NBEA: variants seen among roughly 807,000 people sequenced by gnomAD.
The protein encoded by NBEA is lysosomal-trafficking regulator 2.
Under a neutral mutation model 343.4 loss-of-function variants are expected in NBEA, and 44 were observed. The ratio of observed to expected loss-of-function variants is 0.13; its 90% CI spans 0.10 to 0.16. NBEA has a LOEUF of 0.16. Among genes scored for constraint, NBEA ranks in the 10% least tolerant of loss-of-function variants. NBEA has a pLI of 1.00. For synonymous variants in NBEA, 1,175 were observed against 1,238.7 expected, an observed-to-expected ratio of 0.95 and a Z score of 1.08; for missense variants, 2,555 against 3,631.3, an observed-to-expected ratio of 0.70 and a Z score of 7.62.
At chr13:35,574,365 G>A (rs2080611010) in intron 45 of NBEA, among the ~76,000 whole-genome samples, 2 of 134,866 alleles carry the variant, frequency 1.5e-5, no homozygotes, top group Admixed American at 7.7e-5. Context: ...TGCCCTGGCA[G>A]TTTTTATACA....
chr13:35,466,051 C>T (rs1443148077), intron 40 of NBEA, among the ~76,000 whole-genome samples: 2 of 152,082 alleles, frequency 1.3e-5, no homozygotes, highest in East Asian at 1.9e-4. Flanking sequence ...TATTCAGTTG[C>T]TCATATAAGA....
chr13:35,374,067 G>T (rs1278747129), intron 38 of NBEA, among the ~76,000 whole-genome samples: 1 of 152,132 alleles, frequency 6.6e-6, no homozygotes, highest in Non-Finnish European at 1.5e-5. Flanking sequence ...TTTATGGTAT[G>T]GAAGCAGCCT....
intron 34 of NBEA, among the ~76,000 whole-genome samples, chr13:35,270,415 G>A (rs1471130221): frequency 6.6e-6 from 1 of 152,164 alleles, no homozygotes; most frequent in African/African-American, 2.4e-5. Context: ...CAAGATTTAC[G>A]CAGAAGATGG....
intron 31 of NBEA, among the ~76,000 whole-genome samples, chr13:35,198,547 T>G (rs938390519): frequency 5.9e-5 from 9 of 152,162 alleles, no homozygotes; most frequent in African/African-American, 2.2e-4. Flanking sequence ...TTGAGAATAT[T>G]GCTTTAAGAA....
intron 1 of NBEA, among the ~76,000 whole-genome samples, chr13:34,946,570 CA>C (rs2059190721): frequency 6.6e-6 from 1 of 151,378 alleles, no homozygotes; most frequent in South Asian, 2.1e-4. Flanking sequence ...TAATTATAGA[CA>C]AATTTTTTAT....
chr13:35,013,474 C>CTTT (rs200665719), intron 1 of NBEA, among the ~76,000 whole-genome samples: 1 of 144,516 alleles, frequency 6.9e-6, no homozygotes, highest in East Asian at 2.0e-4. Context: ...AAACATGTAT[C>CTTT]TTTTTTTTTT....
At chr13:35,125,459 A>C (rs1285089019) in intron 17 of NBEA, among the ~76,000 whole-genome samples, 1 of 152,238 alleles carries the variant, frequency 6.6e-6, no homozygotes, top group African/African-American at 2.4e-5. Context: ...GTTTTATTTG[A>C]ATCAGATTGG....
intron 38 of NBEA, among the ~76,000 whole-genome samples, chr13:35,376,046 T>G (rs2041721212): frequency 6.6e-6 from 1 of 152,066 alleles, no homozygotes; most frequent in South Asian, 2.1e-4. Flanking sequence ...TTTTATATAT[T>G]TATTATTATT....
At chr13:35,464,499 C>T (rs1323596082) in intron 40 of NBEA, among the ~76,000 whole-genome samples, 4 of 152,136 alleles carry the variant, frequency 2.6e-5, no homozygotes, top group Non-Finnish European at 5.9e-5. Context: ...AAAAATAGGC[C>T]GGAAATCATG....
chr13:35,351,109 T>G (rs2040174947), intron 37 of NBEA, among the ~76,000 whole-genome samples: 1 of 152,012 alleles, frequency 6.6e-6, no homozygotes, highest in Non-Finnish European at 1.5e-5. Flanking sequence ...GTAGGGTTAT[T>G]TCTCCAGAAG....
intron 26 of NBEA, among the ~76,000 whole-genome samples, chr13:35,172,322 A>G (rs1175322388): frequency 6.6e-6 from 1 of 152,048 alleles, no homozygotes; most frequent in Non-Finnish European, 1.5e-5. Flanking sequence ...TTTTGTATTC[A>G]TTATAAGAGA....
At chr13:35,423,449 C>T (rs895732228) in intron 38 of NBEA, among the ~76,000 whole-genome samples, 1 of 152,132 alleles carries the variant, frequency 6.6e-6, no homozygotes, top group Non-Finnish European at 1.5e-5. Context: ...TGTCAAAGAT[C>T]AGATAGTTGT....
chr13:35,368,192 C>T (rs903768433), intron 38 of NBEA, among the ~76,000 whole-genome samples: 1 of 151,416 alleles, frequency 6.6e-6, no homozygotes, highest in Admixed American at 6.6e-5. Flanking sequence ...TTATATAGGT[C>T]CTTTCAATCT....
intron 36 of NBEA, among the ~76,000 whole-genome samples, chr13:35,318,678 A>T (rs551791617): frequency 1.2e-4 from 19 of 152,292 alleles, no homozygotes; most frequent in Admixed American, 1.1e-3. Flanking sequence ...AAGGAATGGT[A>T]CCAGCTCCTC....
At chr13:35,425,126 G>T (rs578225978) in intron 38 of NBEA, among the ~76,000 whole-genome samples, 2 of 152,154 alleles carry the variant, frequency 1.3e-5, no homozygotes, top group African/African-American at 4.8e-5. Context: ...TTTTTGAAGG[G>T]TTTTTTGTGT....
rs1249094713 is a variant in NBEA, at chr13:35,159,885, T to C, written c.3714T>C (p.Thr1238=). ...STKGLEYAEM[T]ATTLETESSS... The stretch of plus-strand genomic sequence containing the variant: ...AGGGGCTGGAGTATGCTGAAATGAC[T>C]GCTACAACTCTGGAAACTGAGTCTT... Residue 1238 remains threonine, a synonymous_variant, in exon 22 of 59, where the codon ACT becomes ACC. Coordinates refer to ENST00000379939, the MANE Select transcript of NBEA (RefSeq NM_001385012.1). The C allele has an allele frequency of 2.5e-6, 4 of 1,601,964 alleles. No homozygotes were observed. Among genetic ancestry groups the C allele is most frequent in the Middle Eastern group, 1.7e-4 (1 of 6,042 alleles).
At chr13:35,030,234 T>C (rs2062157071) in intron 1 of NBEA, among the ~76,000 whole-genome samples, 1 of 151,678 alleles carries the variant, frequency 6.6e-6, no homozygotes, top group Non-Finnish European at 1.5e-5. Flanking sequence ...TTCTTATATT[T>C]GAACCTTCAA....
chr13:35,532,882 A>G (rs1483144420), intron 41 of NBEA, among the ~76,000 whole-genome samples: 1 of 152,016 alleles, frequency 6.6e-6, no homozygotes, highest in Non-Finnish European at 1.5e-5. Flanking sequence ...GGCACTAGTA[A>G]TTTGTTGAGT....
intron 4 of NBEA, 106 bp from the exon 5 acceptor site, chr13:35,048,457 T>C: frequency 9.9e-7 from 1 of 1,012,560 alleles, no homozygotes; most frequent in Non-Finnish European, 1.4e-6. Flanking sequence ...GATTTTCTGG[T>C]ATTTATACTT....
Sources: allele counts gnomAD v4.1 joint callset (sites outside exome capture counted in the v4.1 genomes callset), GRCh38; gene constraint gnomAD v4.1.1; transcripts MANE v1.5; gene names NCBI Gene and HGNC (gene_info 2026-07-23, HGNC 2026-07-21).